The following ANKRD11 variants were observed in gnomAD, a reference collection of about 807,000 sequenced individuals.
ANKRD11 encodes ankyrin repeat domain 11, also known as ankyrin repeat domain-containing protein 11.
In ANKRD11, 17 loss-of-function variants were observed where a neutral mutation model predicts 195.7. The observed-to-expected ratio is 0.09, with a 90% confidence interval of 0.06 to 0.13. The LOEUF (loss-of-function observed/expected upper bound fraction) is 0.13. ANKRD11 is among the 10% of genes least tolerant of loss of function. The pLI, the probability that ANKRD11 is intolerant of heterozygous loss-of-function variation, is 1.00. For synonymous variants in ANKRD11, 1,953 were observed against 1,528.1 expected, an observed-to-expected ratio of 1.28 and a Z score of -6.49; for missense variants, 3,735 against 3,566.1, an observed-to-expected ratio of 1.05 and a Z score of -1.21.
intron 1 of ANKRD11, among the ~76,000 whole-genome samples, chr16:89,422,818 G>A (rs553023786): frequency 8.6e-4 from 131 of 152,306 alleles, no homozygotes; most frequent in African/African-American, 3.1e-3. Flanking sequence ...CAAGTTTCAG[G>A]AGACTCTGAC....
intron 9 of ANKRD11, 162 bp downstream of exon 9, chr16:89,278,910 G>A: frequency 1.6e-6 from 2 of 1,214,550 alleles, no homozygotes; most frequent in Non-Finnish European, 1.2e-6. Flanking sequence ...TCCGGCTTTT[G>A]CCTCCACAGC....
chr16:89,324,523 G>A (rs1203930938), intron 2 of ANKRD11: 1 of 456,068 alleles, frequency 2.2e-6, no homozygotes, highest in African/African-American at 2.0e-5. Flanking sequence ...GCTGCCAAAG[G>A]AGATTCACAT....
chr16:89,486,038 G>A (rs545126937), intron 1 of ANKRD11, among the ~76,000 whole-genome samples: 92 of 152,290 alleles, frequency 6.0e-4, no homozygotes, highest in African/African-American at 1.9e-3. Flanking sequence ...TGCTTTCACA[G>A]AAAGCACTTT....
chr16:89,314,127 A>C (rs1337599250), intron 3 of ANKRD11, among the ~76,000 whole-genome samples: 2 of 152,140 alleles, frequency 1.3e-5, no homozygotes. Context: ...GGGAGGCTGA[A>C]GTAGGAGGAC....
At chr16:89,382,102 C>T (rs988475967) in intron 2 of ANKRD11, among the ~76,000 whole-genome samples, 4 of 152,148 alleles carry the variant, frequency 2.6e-5, no homozygotes, top group African/African-American at 4.8e-5. Context: ...CCAGAACGGG[C>T]GAGGGGGACG....
intron 2 of ANKRD11, among the ~76,000 whole-genome samples, chr16:89,373,682 G>A (rs1326506026): frequency 5.3e-5 from 8 of 152,196 alleles, no homozygotes; most frequent in Admixed American, 5.2e-4. Context: ...TCTCGCTGAT[G>A]CATAAGGAAG....
intron 1 of ANKRD11, among the ~76,000 whole-genome samples, chr16:89,487,591 T>G (rs898058718): frequency 6.6e-6 from 1 of 152,060 alleles, no homozygotes. Flanking sequence ...GTGGCCAACA[T>G]GGTGAAACCC....
chr16:89,278,285 T>G (rs752654343), intron 9 of ANKRD11: 1 of 350,372 alleles, frequency 2.9e-6, no homozygotes, highest in Non-Finnish European at 5.6e-6. Flanking sequence ...GGAATCCCTG[T>G]GCCTGCTGGG....
intron 2 of ANKRD11, among the ~76,000 whole-genome samples, chr16:89,341,634 C>A (rs1425881409): frequency 6.6e-6 from 1 of 152,258 alleles, no homozygotes; most frequent in African/African-American, 2.4e-5. Context: ...ATAAATCCCA[C>A]CGTTAACACT....
chr16:89,457,957 G>C (rs1300353383), intron 1 of ANKRD11, among the ~76,000 whole-genome samples: 1 of 152,210 alleles, frequency 6.6e-6, no homozygotes, highest in South Asian at 2.1e-4. Context: ...ACGGCACCTC[G>C]CAATGACTTG....
rs940305553 is a variant in ANKRD11 at position 89,278,889 on chromosome 16, G to A, written c.7470+183C>T. 8 of 1,025,460 alleles carry A rather than the reference G, an allele frequency of 7.8e-6. No homozygotes were observed. In the African/African-American group the frequency reaches 1.1e-4, roughly 14 times the overall value. The allele number at this position is 1,025,460 out of a possible 1,614,324, so 63.5% of individuals were successfully genotyped here. On this transcript the variant is annotated intron_variant, in intron 9 of 12. Transcript: ENST00000301030. Reference sequence around the variant, plus strand: ...GGAAGGACCTCGGGTCTGCAGAACAGCTGGGCAGCTTCCGGCTTTTGCCTC... The same window carrying A: ...GGAAGGACCTCGGGTCTGCAGAACAACTGGGCAGCTTCCGGCTTTTGCCTC...
chr16:89,313,677 C>T lies in ANKRD11; in HGVS notation c.87+3256G>A, dbSNP rs2036754403. ...AAGACTGAGCAGAAACCATTTCAGC[C>T]TGTACCAGGAGAAGGCAGGTCAGAT... On this transcript the variant is annotated intron_variant, in intron 3 of 12. Coordinates refer to ENST00000301030, the MANE Select transcript of ANKRD11 (RefSeq NM_013275.6). 3 of 1,156,336 alleles carry T rather than the reference C, an allele frequency of 2.6e-6. No individual in the cohort carries two copies. In the South Asian group the frequency reaches 3.9e-5, roughly 15 times the overall value. The allele number at this position is 1,156,336 out of a possible 1,614,324, so 71.6% of individuals were successfully genotyped here.
chr16:89,461,193 C>G (rs954886200), intron 1 of ANKRD11, among the ~76,000 whole-genome samples: 2 of 111,502 alleles, frequency 1.8e-5, no homozygotes, highest in Non-Finnish European at 3.8e-5. Context: ...CCCCCCCCCC[C>G]CTTATAGGAG....
Position 89,279,407 on chromosome 16 carries a change from C to A in ANKRD11, c.7135G>T (p.Ala2379Ser), listed in dbSNP as rs1346337452. 49 of 1,540,116 alleles carry A rather than the reference C, an allele frequency of 3.2e-5. No individual in the cohort carries two copies. The highest frequency in any genetic ancestry group is 4.0e-5 in the Non-Finnish European group (46 of 1,147,128). The change falls in exon 9 of 13, where the codon GCC becomes TCC. Residue 2379 changes from alanine to serine, a missense_variant. Coordinates refer to ENST00000301030, the MANE Select transcript of ANKRD11 (RefSeq NM_013275.6). This position sits in a 1 kb window ranked among gnomAD's most constrained non-coding sequence, Gnocchi z 5.6. ...AKARGSEDDD[A>S]QAQHPRKRRF... ...CGTTTGCGCGGATGCTGGGCCTGGG[C>A]GTCGTCGTCCTCGGAGCCGCGGGCC... is the stretch of plus-strand genomic sequence containing the variant.
intron 2 of ANKRD11, among the ~76,000 whole-genome samples, chr16:89,348,067 G>A (rs962826899): frequency 5.3e-5 from 8 of 151,882 alleles, no homozygotes; most frequent in Non-Finnish European, 1.5e-5. Context: ...CAGGGTAACT[G>A]GGACTACAGG....
chr16:89,302,064 C>T (rs1041782013), intron 4 of ANKRD11, among the ~76,000 whole-genome samples: 4 of 152,210 alleles, frequency 2.6e-5, no homozygotes, highest in Admixed American at 1.3e-4. Flanking sequence ...TTGTCTGTCA[C>T]GTGTCAGTTA....
intron 2 of ANKRD11, among the ~76,000 whole-genome samples, chr16:89,354,649 A>C (rs1263085865): frequency 1.3e-5 from 2 of 152,238 alleles, no homozygotes; most frequent in African/African-American, 4.8e-5. Flanking sequence ...TGGGAGGCCG[A>C]GGCAGGTGAA....
intron 2 of ANKRD11, among the ~76,000 whole-genome samples, chr16:89,413,082 G>A (rs1020245912): frequency 4.3e-4 from 65 of 152,312 alleles, no homozygotes; most frequent in African/African-American, 1.5e-3. Context: ...GGGAGTAGGA[G>A]GGGGCGCCGC....
At chr16:89,320,825 C>T (rs922290557) in intron 2 of ANKRD11, among the ~76,000 whole-genome samples, 3 of 152,266 alleles carry the variant, frequency 2.0e-5, no homozygotes, top group East Asian at 3.8e-4. Context: ...GCCGTCCTTG[C>T]CCTGTGCCTC....
Sources: gnomAD v4.1 joint callset for allele counts (sites outside exome capture counted in the v4.1 genomes callset) on GRCh38, gnomAD v4.1.1 for gene constraint, Gnocchi (gnomAD v3.1) non-coding constraint, MANE v1.5 for transcripts, NCBI Gene and HGNC (gene_info 2026-07-23, HGNC 2026-07-21) for gene names.